ZNF676: variants seen among roughly 807,000 people sequenced by gnomAD.
ZNF676 encodes zinc finger protein 676.
A neutral mutation model predicts 6.0 loss-of-function variants in ZNF676; 4 were observed. The ratio of observed to expected loss-of-function variants is 0.67; its 90% CI spans 0.33 to 1.53. The LOEUF is 1.53. Ranked by LOEUF, ZNF676 falls within the 40% of genes most tolerant of loss-of-function variation. The pLI, the probability that ZNF676 is intolerant of heterozygous loss-of-function variation, is 0.06. For synonymous variants in ZNF676, 198 were observed against 223.1 expected (o/e 0.89, Z 1.00); for missense variants, 644 against 679.7 (o/e 0.95, Z 0.58).
intron 1 of ZNF676, among the ~76,000 whole-genome samples, chr19:22,194,023 G>C (rs2023941747): frequency 6.6e-6 from 1 of 152,150 alleles, no homozygotes; most frequent in Non-Finnish European, 1.5e-5. Context: ...GATCAGGCTA[G>C]GTAGAATCAC....
At chr19:22,199,220 T>G (rs1161338908), upstream of ZNF676, among the ~76,000 whole-genome samples, 4 of 152,206 alleles carry the variant, frequency 2.6e-5, no homozygotes, top group African/African-American at 9.6e-5. Context: ...AATGGGTCAC[T>G]TAAACAAGTG....
At position 22,179,681 on chromosome 19, in the gene ZNF676, T is replaced by C; in HGVS notation, c.*269A>G. On this transcript the variant is annotated 3_prime_UTR_variant, in exon 3 of 3. Coordinates refer to ENST00000397121, the MANE Select transcript of ZNF676 (RefSeq NM_001001411.3). Reference sequence around the variant, plus strand: ...AGGTGTGAGGAACAGTTGAAGTCTTTATCACATTCTTCGCATTTGTAGGGT... The same window carrying C: ...AGGTGTGAGGAACAGTTGAAGTCTTCATCACATTCTTCGCATTTGTAGGGT... 2.9e-6 allele frequency: 2 copies of C among 678,912 alleles called. No individual in the cohort carries two copies. The highest frequency in any genetic ancestry group is 3.2e-5 in the South Asian group (2 of 61,972). 42.1% of individuals were successfully genotyped at this position (678,912 alleles called of 1,614,324 possible). A position where few individuals can be genotyped will look rare whatever the true frequency, so the allele number is the denominator to read the frequency against.
At chr19:22,231,301 G>A in the ZNF676 span, among the ~76,000 whole-genome samples, 3 of 151,830 alleles carry the variant, frequency 2.0e-5, no homozygotes, top group South Asian at 6.2e-4. Context: ...AAGACACAGA[G>A]AGAAAATTAG....
At chr19:22,203,781 A>G (rs2024049698) in intron 1 of ZNF676, 1 of 152,226 alleles carries the variant, frequency 6.6e-6, no homozygotes, top group South Asian at 2.1e-4. Flanking sequence ...TTTGGTAGAA[A>G]CGAGGTTTCA....
rs115841775 is a variant in ZNF676 at position 22,195,328 on chromosome 19, G to A, written c.34+1272C>T. 6.4e-3 allele frequency among the ~76,000 whole-genome samples: 978 copies of A among 152,186 alleles called. 9 individuals are homozygous for A. The highest frequency in any genetic ancestry group is 0.022 in the African/African-American group (929 of 41,528). ...TAATACCCAGTAAGGATTAGCCCCCGTCTTGGCACATTTTGGGTCGCATCC... is the reference window on the plus strand; with the variant it reads ...TAATACCCAGTAAGGATTAGCCCCCATCTTGGCACATTTTGGGTCGCATCC... On this transcript the variant is annotated intron_variant, in intron 1 of 2. Coordinates refer to ENST00000397121, the MANE Select transcript of ZNF676 (RefSeq NM_001001411.3).
At chr19:22,240,897 A>G in the ZNF676 span, among the ~76,000 whole-genome samples, 8 of 152,102 alleles carry the variant, frequency 5.3e-5, no homozygotes, top group East Asian at 1.5e-3. Flanking sequence ...ACATACATGG[A>G]TGATGGGCAC....
intron 1 of ZNF676, among the ~76,000 whole-genome samples, chr19:22,194,775 G>A (rs1244808930): frequency 2.0e-5 from 3 of 152,022 alleles, no homozygotes; most frequent in Non-Finnish European, 2.9e-5. Flanking sequence ...AACAATGACG[G>A]CATTCCCAGT....
At chr19:22,197,371 G>A (rs2023978302), upstream of ZNF676, among the ~76,000 whole-genome samples, 2 of 151,390 alleles carry the variant, frequency 1.3e-5, no homozygotes, top group African/African-American at 4.8e-5. Flanking sequence ...AAAAGACATA[G>A]TTTTGCATAT....
chr19:22,209,486 C>A (rs1047643000), intron 1 of ZNF676, among the ~76,000 whole-genome samples: 2 of 151,960 alleles, frequency 1.3e-5, no homozygotes, highest in East Asian at 1.9e-4. Flanking sequence ...AAAAAAGACA[C>A]TGAGGCCTAG....
the ZNF676 span, among the ~76,000 whole-genome samples, chr19:22,248,307 C>T: frequency 6.6e-6 from 1 of 152,022 alleles, no homozygotes; most frequent in Non-Finnish European, 1.5e-5. Flanking sequence ...GTTCTAGATC[C>T]CCGAAGAATC....
the ZNF676 span, among the ~76,000 whole-genome samples, chr19:22,237,744 T>A: frequency 6.6e-6 from 1 of 152,170 alleles, no homozygotes; most frequent in African/African-American, 2.4e-5. Context: ...AAGCTGTTTT[T>A]TCTGACAAAA....
intron 2 of ZNF676, among the ~76,000 whole-genome samples, chr19:22,183,131 A>G (rs901252902): frequency 6.6e-6 from 1 of 152,140 alleles, no homozygotes; most frequent in African/African-American, 2.4e-5. Flanking sequence ...AAATCTGTAT[A>G]CATACACAAA....
chr19:22,241,683 T>C, the ZNF676 span, among the ~76,000 whole-genome samples: 3 of 151,834 alleles, frequency 2.0e-5, no homozygotes, highest in Non-Finnish European at 4.4e-5. Flanking sequence ...GAGACCTCCA[T>C]GCTGGTATGA....
intron 1 of ZNF676, among the ~76,000 whole-genome samples, chr19:22,210,933 C>A (rs1052295646): frequency 6.6e-6 from 1 of 152,126 alleles, no homozygotes; most frequent in Non-Finnish European, 1.5e-5. Flanking sequence ...ATTCTCTGAT[C>A]TAAAATCTGA....
upstream of ZNF676, among the ~76,000 whole-genome samples, chr19:22,215,915 G>C (rs960984311): frequency 6.6e-6 from 1 of 152,144 alleles, no homozygotes; most frequent in African/African-American, 2.4e-5. Context: ...CAGATGCTGG[G>C]CTGAATGAAG....
the ZNF676 span, among the ~76,000 whole-genome samples, chr19:22,257,462 T>G: frequency 3.9e-5 from 6 of 152,214 alleles, no homozygotes; most frequent in Non-Finnish European, 7.3e-5. Context: ...GGTCCAGTGA[T>G]AAGTCACTAT....
chr19:22,195,567 G>A (rs1288684021), intron 1 of ZNF676, among the ~76,000 whole-genome samples: 1 of 152,164 alleles, frequency 6.6e-6, no homozygotes, highest in African/African-American at 2.4e-5. Flanking sequence ...AGTATGTGGA[G>A]AACTGGATGC....
chr19:22,189,035 C>T (rs2023872401), intron 2 of ZNF676, among the ~76,000 whole-genome samples: 2 of 149,128 alleles, frequency 1.3e-5, no homozygotes, highest in African/African-American at 2.5e-5. Context: ...AAAAAAAAAT[C>T]TCACATGGCC....
At chr19:22,232,008 G>A in the ZNF676 span, among the ~76,000 whole-genome samples, 3 of 151,990 alleles carry the variant, frequency 2.0e-5, no homozygotes, top group African/African-American at 7.3e-5. Context: ...TTTATTTACT[G>A]GGAACCTATA....
Sources: allele counts gnomAD v4.1 joint callset (sites outside exome capture counted in the v4.1 genomes callset), GRCh38; gene constraint gnomAD v4.1.1; transcripts MANE v1.5; gene names NCBI Gene and HGNC (gene_info 2026-07-23, HGNC 2026-07-21).